STRA8: variants seen among roughly 807,000 people sequenced by gnomAD.
STRA8 encodes the protein stimulated by retinoic acid gene 8 protein homolog.
A neutral mutation model predicts 37.1 loss-of-function variants in STRA8; 18 were observed. That is an observed-to-expected ratio of 0.48 (90% CI 0.34 to 0.72). The LOEUF is 0.72. STRA8 is among the 30% of genes least tolerant of loss of function. The pLI is 0.01. For missense variants in STRA8, 357 were observed against 410.4 expected (o/e 0.87, Z 1.13); for synonymous variants, 168 against 162.9 (o/e 1.03, Z -0.24).
chr7:135,232,955 CGTGCACT>C (rs897992756), upstream of STRA8, among the ~76,000 whole-genome samples: 3 of 152,216 alleles, frequency 2.0e-5, no homozygotes, highest in African/African-American at 7.2e-5. Flanking sequence ...CTTCTTGCAC[CGTGCACT>C]GGCCCTGAGC....
At chr7:135,244,602 A>C (rs897399155) in intron 4 of STRA8, among the ~76,000 whole-genome samples, 2 of 152,226 alleles carry the variant, frequency 1.3e-5, no homozygotes, top group African/African-American at 2.4e-5. Flanking sequence ...ATGCTTTTTA[A>C]AATTTCAATT....
At chr7:135,233,503 AG>A (rs1832322183), upstream of STRA8, among the ~76,000 whole-genome samples, 1 of 152,016 alleles carries the variant, frequency 6.6e-6, no homozygotes, top group South Asian at 2.1e-4. Flanking sequence ...GTGCCAGGTG[AG>A]TGGAACCAGC....
chr7:135,243,550 C>T (rs948318575), intron 4 of STRA8, 140 bp downstream of exon 4: 2 of 626,198 alleles, frequency 3.2e-6, no homozygotes, highest in Non-Finnish European at 5.4e-6. Context: ...CAGCCATATG[C>T]TGGAGACCAT....
upstream of STRA8, among the ~76,000 whole-genome samples, chr7:135,233,828 C>G (rs985034416): frequency 3.3e-5 from 5 of 152,190 alleles, no homozygotes; most frequent in East Asian, 3.9e-4. Flanking sequence ...AGACAGGAAC[C>G]GCGATCCCCA....
intron 3 of STRA8, 124 bp downstream of exon 3, chr7:135,242,980 C>A: frequency 9.4e-7 from 1 of 1,068,594 alleles, no homozygotes; most frequent in Non-Finnish European, 1.4e-6. Flanking sequence ...CTACTGTGTG[C>A]CAGGAACTGT....
Position 135,240,723 on chromosome 7 carries a change from G to A in STRA8, c.192+7G>A. 1.2e-6 allele frequency: 2 copies of A among 1,613,522 alleles called. No individual in the cohort carries two copies. The highest frequency in any genetic ancestry group is 1.7e-6 in the Non-Finnish European group (2 of 1,179,632). On this transcript the variant is annotated splice_region_variant and intron_variant, in intron 2 of 8. Coordinates refer to ENST00000662584, the MANE Select transcript of STRA8 (RefSeq NM_001394401.1). ...TGATCTCATAGCCTCAAAGGTATGG[G>A]GACCTGGAGGAGGAGAGGGGACATC...
In STRA8 at chr7:135,238,353, C is replaced by T. The variant is rs2077947; in HGVS notation, c.-6-2166C>T. ...CAGCCCTGGCGGCTCCTAGAGGCGA[C>T]TGGTGGGAAGTCTGCCCCCTATGGG... On this transcript the variant is annotated intron_variant, in intron 1 of 8. Transcript: ENST00000662584. Among the ~76,000 whole-genome samples the T allele has an allele frequency of 2.6e-5, 4 of 152,020 alleles. 1 individual carries two copies. In the South Asian group the frequency reaches 8.3e-4, roughly 31 times the overall value.
rs377439506 is a variant in STRA8 at position 135,243,322 on chromosome 7, A to G, written c.269-4A>G. 2.9e-5 allele frequency: 46 copies of G among 1,614,036 alleles called. 2 individuals are homozygous for G. The highest frequency in any genetic ancestry group is 2.4e-4 in the South Asian group (22 of 91,068). ...TGTGTTCCTGGTCTTCAACTCCCCA[A>G]TAGCATCCTTCAACCTGGAAGATGG... On this transcript the variant is annotated splice_region_variant and splice_polypyrimidine_tract_variant and intron_variant, in intron 3 of 8. Transcript: ENST00000662584.
rs1832737199 is a variant in STRA8 at position 135,258,643 on chromosome 7, A to G, written c.*151A>G. On this transcript the variant is annotated 3_prime_UTR_variant, in exon 9 of 9. Transcript: ENST00000662584. ...ATTTTGATGATTTTAGTTTCTGATT[A>G]TTATAAAGTATAAGAGAAGCACGGC... is the stretch of plus-strand genomic sequence containing the variant. 6.2e-6 allele frequency: 4 copies of G among 640,140 alleles called. No homozygotes were observed. Among genetic ancestry groups the G allele is most frequent in the Non-Finnish European group, 2.7e-6 (1 of 368,714 alleles). The allele number at this position is 640,140 out of a possible 1,614,324, so 39.7% of individuals were successfully genotyped here.
upstream of STRA8, among the ~76,000 whole-genome samples, chr7:135,232,898 A>G (rs185289400): frequency 1.3e-5 from 2 of 152,284 alleles, no homozygotes; most frequent in African/African-American, 4.8e-5. Context: ...GGAGTGAAGG[A>G]GCTCACCCAT....
chr7:135,249,677 A>G (rs771498871), intron 6 of STRA8, among the ~76,000 whole-genome samples: 3 of 152,264 alleles, frequency 2.0e-5, no homozygotes, highest in Non-Finnish European at 4.4e-5. Flanking sequence ...CTAAGGACAC[A>G]TTTCTCAGAA....
At chr7:135,247,712 A>G (rs527862508) in intron 6 of STRA8, among the ~76,000 whole-genome samples, 3 of 152,292 alleles carry the variant, frequency 2.0e-5, no homozygotes, top group Admixed American at 2.0e-4. Context: ...TGTGAAGGGG[A>G]GGTTACCACA....
At chr7:135,233,339 G>T (rs570046527), upstream of STRA8, among the ~76,000 whole-genome samples, 1 of 151,658 alleles carries the variant, frequency 6.6e-6, no homozygotes, top group African/African-American at 2.4e-5. Flanking sequence ...CCTTTTATGC[G>T]TTTATTTCCT....
At chr7:135,254,624 A>T (rs1478571756) in intron 7 of STRA8, among the ~76,000 whole-genome samples, 1 of 152,200 alleles carries the variant, frequency 6.6e-6, no homozygotes, top group Non-Finnish European at 1.5e-5. Context: ...AGCTCGAGTC[A>T]CACAGGGCTT....
In STRA8 at chr7:135,246,151, TTCTG is replaced by T. The variant is rs1832549556; in HGVS notation, c.594-262_594-259del. 1.5e-5 allele frequency: 8 copies of T among 534,388 alleles called. No homozygotes were observed. The highest frequency in any genetic ancestry group is 1.0e-4 in the Admixed American group (3 of 29,742). 33.1% of individuals were successfully genotyped at this position (534,388 alleles called of 1,614,324 possible). A position where few individuals can be genotyped will look rare whatever the true frequency, so the allele number is the denominator to read the frequency against. ...TGAGGCAGCTACGCCTCTTATCTGC[TTCTG>T]TCTAACACAGAAGGCTTCATGGGGC... is the stretch of plus-strand genomic sequence containing the variant. On this transcript the variant is annotated intron_variant, in intron 5 of 8. Transcript: ENST00000662584. The surrounding 1 kb of genome is among the most constrained non-coding windows in gnomAD (Gnocchi z 5.4).
At chr7:135,249,767 C>T (rs931531693) in intron 6 of STRA8, among the ~76,000 whole-genome samples, 12 of 152,230 alleles carry the variant, frequency 7.9e-5, no homozygotes, top group Middle Eastern at 3.2e-3. Context: ...TGTGCCAGCA[C>T]GAACACTTCC....
At chr7:135,237,851 C>T (rs532903906) in intron 1 of STRA8, among the ~76,000 whole-genome samples, 1 of 151,874 alleles carries the variant, frequency 6.6e-6, no homozygotes, top group Admixed American at 6.6e-5. Flanking sequence ...GAGATCACGC[C>T]ACTGCACTCC....
Position 135,246,821 on chromosome 7 carries a change from A to C in STRA8, c.879+119A>C. 9.2e-7 allele frequency: 1 copy of C among 1,090,636 alleles called. No homozygotes were observed. Among genetic ancestry groups the C allele is most frequent in the Non-Finnish European group, 1.2e-6 (1 of 800,686 alleles). 67.6% of individuals were successfully genotyped at this position (1,090,636 alleles called of 1,614,324 possible). ...GGTGCAGTTTGCCTTCTGGCTCCCA[A>C]GGTCGGTTTCTGATTTTCTTTTTTC... On this transcript the variant is annotated intron_variant, in intron 6 of 8. Coordinates refer to ENST00000662584, the MANE Select transcript of STRA8 (RefSeq NM_001394401.1). The surrounding 1 kb of genome is among the most constrained non-coding windows in gnomAD (Gnocchi z 5.4).
At chr7:135,257,909 G>C (rs539940076) in intron 8 of STRA8, among the ~76,000 whole-genome samples, 98 of 152,304 alleles carry the variant, frequency 6.4e-4, no homozygotes, top group African/African-American at 2.2e-3. Flanking sequence ...CTCATCCAAA[G>C]ATATTCTACA....
Sources: allele counts gnomAD v4.1 joint callset (sites outside exome capture counted in the v4.1 genomes callset), GRCh38; gene constraint gnomAD v4.1.1; non-coding constraint Gnocchi (gnomAD v3.1); transcripts MANE v1.5; gene names NCBI Gene and HGNC (gene_info 2026-07-23, HGNC 2026-07-21).